The following CTNNA3 variants were observed in gnomAD, a reference collection of about 807,000 sequenced individuals.
CTNNA3 encodes the protein catenin alpha 3, also known as catenin alpha-3.
In CTNNA3, 76 loss-of-function variants were observed where a neutral mutation model predicts 95.7. The ratio of observed to expected loss-of-function variants is 0.79; its 90% CI spans 0.66 to 0.96. CTNNA3 has a LOEUF of 0.96. Among genes scored for constraint, CTNNA3 ranks in the 40% least tolerant of loss-of-function variants. CTNNA3 has a pLI of 0.00. For missense variants in CTNNA3, 1,191 were observed against 1,089.8 expected (o/e 1.09, Z -1.31); for synonymous variants, 431 against 374.4 (o/e 1.15, Z -1.74).
intron 13 of CTNNA3, among the ~76,000 whole-genome samples, chr10:66,106,661 T>G (rs2133760532): frequency 6.6e-6 from 1 of 152,268 alleles, no homozygotes; most frequent in African/African-American, 2.4e-5. Context: ...AAAGTTTATT[T>G]CTGTTTGTTG....
intron 7 of CTNNA3, among the ~76,000 whole-genome samples, chr10:66,993,929 T>C (rs1472754480): frequency 6.6e-6 from 1 of 152,220 alleles, no homozygotes; most frequent in Non-Finnish European, 1.5e-5. Context: ...CTAAGCTCTT[T>C]GGGCAAATGT....
At chr10:67,531,363 C>A (rs55755749) in intron 4 of CTNNA3, among the ~76,000 whole-genome samples, 4,999 of 152,270 alleles carry the variant, frequency 0.033, 127 homozygotes, top group Non-Finnish European at 0.053. Context: ...TGCCCAAGAC[C>A]ATGGGAACCC....
At position 67,272,125 on chromosome 10, in the gene CTNNA3, G is replaced by A. The variant is rs184616146; in HGVS notation, c.580-52255C>T. Among the ~76,000 whole-genome samples the A allele has an allele frequency of 2.6e-4, 39 of 152,268 alleles. No homozygotes were observed. In the East Asian group the frequency reaches 7.1e-3, roughly 28 times the overall value. ...CTTAGGAGTTCATGGACTGAACTGA[G>A]CTAACTTTAAATGCACTACTATACT... is the stretch of plus-strand genomic sequence containing the variant. On this transcript the variant is annotated intron_variant, in intron 5 of 17. Transcript: ENST00000433211.
chr10:66,650,725 G>A (rs1845864453), intron 9 of CTNNA3, among the ~76,000 whole-genome samples: 2 of 152,032 alleles, frequency 1.3e-5, no homozygotes, highest in African/African-American at 4.8e-5. Flanking sequence ...AGCTCTTAAA[G>A]GCGGCGCATC....
intron 11 of CTNNA3, among the ~76,000 whole-genome samples, chr10:66,430,287 A>G (rs1164005207): frequency 6.6e-6 from 1 of 152,180 alleles, no homozygotes; most frequent in Non-Finnish European, 1.5e-5. Flanking sequence ...TTCCATGCTC[A>G]TGGACAGGAA....
intron 7 of CTNNA3, among the ~76,000 whole-genome samples, chr10:67,094,300 G>A (rs547810481): frequency 2.3e-4 from 35 of 151,740 alleles, no homozygotes; most frequent in African/African-American, 8.2e-4. Context: ...ATATTCTAAC[G>A]AAATAAGTAT....
chr10:66,774,642 C>T (rs560435806), intron 8 of CTNNA3, among the ~76,000 whole-genome samples: 5 of 152,178 alleles, frequency 3.3e-5, no homozygotes, highest in Non-Finnish European at 2.9e-5. Context: ...CATTAAACTA[C>T]GATAATACAT....
intron 3 of CTNNA3, among the ~76,000 whole-genome samples, chr10:67,571,790 C>T (rs552314429): frequency 3.3e-5 from 5 of 152,286 alleles, no homozygotes; most frequent in African/African-American, 1.2e-4. Flanking sequence ...ACATTGACTG[C>T]ATGTGGCCGC....
At chr10:67,623,624 A>C (rs1159903164) in intron 2 of CTNNA3, among the ~76,000 whole-genome samples, 6 of 152,112 alleles carry the variant, frequency 3.9e-5, no homozygotes, top group Non-Finnish European at 8.8e-5. Context: ...GATCATTTTC[A>C]TAGGAATTGT....
chr10:66,816,509 G>A (rs1842093846), intron 7 of CTNNA3, among the ~76,000 whole-genome samples: 1 of 152,032 alleles, frequency 6.6e-6, no homozygotes, highest in Non-Finnish European at 1.5e-5. Context: ...CATGCAAACA[G>A]AGCCCCAGAA....
intron 5 of CTNNA3, among the ~76,000 whole-genome samples, chr10:67,282,239 C>G (rs1254503248): frequency 6.6e-6 from 1 of 152,070 alleles, no homozygotes; most frequent in African/African-American, 2.4e-5. Flanking sequence ...TATTGAATCC[C>G]TACTATATGT....
chr10:67,586,405 G>A (rs1405552877), intron 3 of CTNNA3, among the ~76,000 whole-genome samples: 1 of 152,032 alleles, frequency 6.6e-6, no homozygotes, highest in East Asian at 1.9e-4. Flanking sequence ...GCCAGGAGTA[G>A]GGTGTTGAAG....
At chr10:67,143,174 T>G (rs370075225) in intron 7 of CTNNA3, among the ~76,000 whole-genome samples, 1 of 151,772 alleles carries the variant, frequency 6.6e-6, no homozygotes, top group Admixed American at 6.6e-5. Context: ...CGGTGGCTCA[T>G]GCCTGTAATC....
intron 10 of CTNNA3, among the ~76,000 whole-genome samples, chr10:66,561,337 G>A (rs2132134842): frequency 6.6e-6 from 1 of 152,202 alleles, no homozygotes. Context: ...TTGTGAATTT[G>A]TTACATCTAA....
At chr10:67,373,188 T>C (rs1343688033) in intron 5 of CTNNA3, among the ~76,000 whole-genome samples, 2 of 152,000 alleles carry the variant, frequency 1.3e-5, no homozygotes, top group East Asian at 3.9e-4. Context: ...GCAAATTGGA[T>C]AAAGAGTCAA....
chr10:66,692,383 G>A (rs1847581537), intron 9 of CTNNA3, among the ~76,000 whole-genome samples: 1 of 152,144 alleles, frequency 6.6e-6, no homozygotes, highest in South Asian at 2.1e-4. Flanking sequence ...TGAAATGAAT[G>A]AAATGAAGCA....
intron 12 of CTNNA3, among the ~76,000 whole-genome samples, chr10:66,294,039 G>C (rs58837986): frequency 0.076 from 11,542 of 152,096 alleles, 985 homozygotes; most frequent in African/African-American, 0.21. Flanking sequence ...TCTTCTAGGA[G>C]ATTAGACTGG....
intron 13 of CTNNA3, among the ~76,000 whole-genome samples, chr10:66,107,953 G>T (rs1000028447): frequency 6.6e-6 from 1 of 151,952 alleles, no homozygotes; most frequent in African/African-American, 2.4e-5. Flanking sequence ...ATAATTCACT[G>T]GCTAGCTTTC....
chr10:66,015,323 C>G (rs2079074201), intron 15 of CTNNA3, among the ~76,000 whole-genome samples: 1 of 152,068 alleles, frequency 6.6e-6, no homozygotes, highest in Non-Finnish European at 1.5e-5. Context: ...ACTATAGCAA[C>G]AGATAGTTCA....
Sources: allele counts gnomAD v4.1 joint callset (sites outside exome capture counted in the v4.1 genomes callset), GRCh38; gene constraint gnomAD v4.1.1; transcripts MANE v1.5; gene names NCBI Gene and HGNC (gene_info 2026-07-23, HGNC 2026-07-21).